The following AMPD3 variants were observed in gnomAD, a reference collection of about 807,000 sequenced individuals.
The protein encoded by AMPD3 is AMP deaminase 3.
Under a neutral mutation model 82.3 loss-of-function variants are expected in AMPD3, and 57 were observed. That is an observed-to-expected ratio of 0.69 (90% CI 0.56 to 0.86). AMPD3 has a LOEUF of 0.86. AMPD3 is among the 40% of genes least tolerant of loss of function. AMPD3 has a pLI of 0.00. For synonymous variants in AMPD3, 381 were observed against 394.7 expected (o/e 0.97, Z 0.41); for missense variants, 870 against 1,003.8 (o/e 0.87, Z 1.80).
chr11:10,456,497 TCTGGAGGGA>T lies in AMPD3; in HGVS notation c.-6+1053_-6+1061del, dbSNP rs936087652. The T allele has an allele frequency of 3.6e-5, 58 of 1,613,144 alleles. 1 individual carries two copies. The African/African-American group carries it at 7.5e-4, about 21-fold the overall frequency. ...GATTTCAGTGGCACTGGGCTTCCTT[TCTGGAGGGA>T]CTGTGGCACCATGAAAAGTTACTGT... On this transcript the variant is annotated intron_variant, in intron 1 of 14. Coordinates refer to ENST00000396553, the MANE Select transcript of AMPD3 (RefSeq NM_001025389.2). The surrounding 1 kb of genome is among the most constrained non-coding windows in gnomAD (Gnocchi z 4.3).
In AMPD3 at chr11:10,456,827, G is replaced by A. The variant is rs1249644515; in HGVS notation, c.-6+1379G>A. On this transcript the variant is annotated intron_variant, in intron 1 of 14. Transcript: ENST00000396553. The surrounding 1 kb of genome is among the most constrained non-coding windows in gnomAD (Gnocchi z 4.3). ...GAGAGGAGAGACACTCTGGAGGGACGGGTTGGCAGGTGGGAGCTGTCTGCC... is the reference window on the plus strand; with the variant it reads ...GAGAGGAGAGACACTCTGGAGGGACAGGTTGGCAGGTGGGAGCTGTCTGCC... Among the ~76,000 whole-genome samples the A allele has an allele frequency of 1.3e-5, 2 of 152,200 alleles. No individual in the cohort carries two copies.
intron 2 of AMPD3, chr11:10,476,792 C>A: frequency 2.5e-6 from 1 of 395,096 alleles, no homozygotes; most frequent in Non-Finnish European, 3.5e-6. Flanking sequence ...TGAGGAGTGA[C>A]TGACAAGGTG....
At chr11:10,494,713 C>A (rs1455955783) in intron 7 of AMPD3, 186 bp from the exon 8 acceptor site, 1 of 985,286 alleles carries the variant, frequency 1.0e-6, no homozygotes, top group East Asian at 1.1e-4. Flanking sequence ...CCAAAGGATC[C>A]CAAGCTGACC....
At chr11:10,459,018 C>T (rs994902459) in intron 1 of AMPD3, among the ~76,000 whole-genome samples, 2 of 152,078 alleles carry the variant, frequency 1.3e-5, no homozygotes, top group Non-Finnish European at 2.9e-5. Context: ...CTGTTCCAGA[C>T]TTTCTCTCCC....
intron 3 of AMPD3, among the ~76,000 whole-genome samples, chr11:10,480,292 G>T (rs188243314): frequency 6.6e-6 from 1 of 152,356 alleles, no homozygotes; most frequent in East Asian, 1.9e-4. Context: ...CATGGCATGA[G>T]CCCCTTGTCA....
rs553418967 is a variant in AMPD3 at position 10,505,042 on chromosome 11, C to T, written c.2127+383C>T. On this transcript the variant is annotated intron_variant, in intron 14 of 14. Coordinates refer to ENST00000396553, the MANE Select transcript of AMPD3 (RefSeq NM_001025389.2). The stretch of plus-strand genomic sequence containing the variant: ...AGAGGTTTGTTCAGAATTATATCCC[C>T]GGGCCCTAGATAGTCCCTGGCACAT... 3.3e-5 allele frequency: 28 copies of T among 856,252 alleles called. No homozygotes were observed. In the South Asian group the frequency reaches 9.1e-4, roughly 28 times the overall value. The allele number at this position is 856,252 out of a possible 1,614,324, so 53.0% of individuals were successfully genotyped here.
In AMPD3 at chr11:10,456,090, G is replaced by A. The variant is rs1479714284; in HGVS notation, c.-6+642G>A. On this transcript the variant is annotated intron_variant, in intron 1 of 14. Coordinates refer to ENST00000396553, the MANE Select transcript of AMPD3 (RefSeq NM_001025389.2). This position sits in a 1 kb window ranked among gnomAD's most constrained non-coding sequence, Gnocchi z 4.3. ...TTGTGAGGGCTGTGAAGAGGGCCAG[G>A]ACACTGCATTCAGGATACCACAGCC... 2.4e-6 allele frequency: 3 copies of A among 1,242,664 alleles called. No homozygotes were observed. The highest frequency in any genetic ancestry group is 3.0e-6 in the Non-Finnish European group (3 of 986,180). The allele number at this position is 1,242,664 out of a possible 1,614,324, so 77.0% of individuals were successfully genotyped here.
At chr11:10,472,415 A>T (rs1848621108) in intron 2 of AMPD3, among the ~76,000 whole-genome samples, 1 of 152,176 alleles carries the variant, frequency 6.6e-6, no homozygotes, top group Admixed American at 6.5e-5. Context: ...CACATTCTTT[A>T]CATGTACCCC....
At chr11:10,473,802 G>T (rs112315867) in intron 2 of AMPD3, among the ~76,000 whole-genome samples, 7 of 152,276 alleles carry the variant, frequency 4.6e-5, no homozygotes, top group African/African-American at 1.7e-4. Context: ...CAATGCAGGG[G>T]CAGCGTGAGC....
At chr11:10,481,596 C>A in intron 3 of AMPD3, 1 of 731,778 alleles carries the variant, frequency 1.4e-6, no homozygotes, top group Non-Finnish European at 1.7e-6. Flanking sequence ...GTACTTACAG[C>A]TTTGATTTAT....
chr11:10,504,326 A>G, intron 13 of AMPD3: 1 of 636,920 alleles, frequency 1.6e-6, no homozygotes, highest in Non-Finnish European at 2.0e-6. Context: ...GTGCTGGTCA[A>G]TGAATAAATG....
chr11:10,487,205 C>T, intron 5 of AMPD3, 30 bp from the exon 6 acceptor site: 2 of 1,613,718 alleles, frequency 1.2e-6, no homozygotes, highest in Non-Finnish European at 1.7e-6. Flanking sequence ...TGCGACTCAA[C>T]TATGGTCTCT....
At chr11:10,455,055 A>G, upstream of AMPD3, 1 of 717,690 alleles carries the variant, frequency 1.4e-6, no homozygotes, top group Non-Finnish European at 1.7e-6. Context: ...GTAAGACACA[A>G]CCTCACGATT....
At chr11:10,468,274 T>C (rs187689214) in intron 2 of AMPD3, among the ~76,000 whole-genome samples, 49 of 151,354 alleles carry the variant, frequency 3.2e-4, no homozygotes, top group Non-Finnish European at 5.9e-4. Context: ...AGGAGACTCA[T>C]CTCAAGTGCA....
chr11:10,489,960 C>T (rs985537008), intron 6 of AMPD3, among the ~76,000 whole-genome samples: 5 of 152,162 alleles, frequency 3.3e-5, no homozygotes, highest in Middle Eastern at 3.2e-3. Flanking sequence ...AGATTACAGG[C>T]GTGGGTCACC....
chr11:10,466,108 A>G (rs181653832), intron 2 of AMPD3, among the ~76,000 whole-genome samples: 100 of 152,214 alleles, frequency 6.6e-4, no homozygotes, highest in Middle Eastern at 3.4e-3. Flanking sequence ...CTAAAAATAC[A>G]AAGATTAGCC....
chr11:10,481,358 C>T (rs367629426), intron 3 of AMPD3: 15 of 806,296 alleles, frequency 1.9e-5, no homozygotes, highest in Non-Finnish European at 2.2e-5. Context: ...CGGTGCTCAT[C>T]GCCTTCAGGG....
At chr11:10,458,302 TCC>T (rs753501265) in intron 1 of AMPD3, among the ~76,000 whole-genome samples, 4,014 of 141,786 alleles carry the variant, frequency 0.028, 80 homozygotes, top group South Asian at 0.074. Flanking sequence ...TGATGCTCCC[TCC>T]CTCCCTCCCT....
chr11:10,456,329 G>T lies in AMPD3; in HGVS notation c.-6+881G>T. 1 of 1,612,486 alleles carries T rather than the reference G, an allele frequency of 6.2e-7. No individual in the cohort carries two copies. Among genetic ancestry groups the T allele is most frequent in the Non-Finnish European group, 8.5e-7 (1 of 1,178,922 alleles). On this transcript the variant is annotated intron_variant, in intron 1 of 14. Transcript: ENST00000396553. This position sits in a 1 kb window ranked among gnomAD's most constrained non-coding sequence, Gnocchi z 4.3. ...CGCACTGACTCAGCTGAGCCTCCTGGGTGGCAGGCAGCACCTCACCCGGGT... is the reference window on the plus strand; with the variant it reads ...CGCACTGACTCAGCTGAGCCTCCTGTGTGGCAGGCAGCACCTCACCCGGGT...
Sources: allele counts gnomAD v4.1 joint callset (sites outside exome capture counted in the v4.1 genomes callset), GRCh38; gene constraint gnomAD v4.1.1; non-coding constraint Gnocchi (gnomAD v3.1); transcripts MANE v1.5; gene names NCBI Gene and HGNC (gene_info 2026-07-23, HGNC 2026-07-21).